Variants in CPED1 observed in about 807,000 individuals in gnomAD.
CPED1 encodes cadherin-like and PC-esterase domain-containing protein 1.
Under a neutral mutation model 128.2 loss-of-function variants are expected in CPED1, and 114 were observed. The ratio of observed to expected loss-of-function variants is 0.89; its 90% CI spans 0.76 to 1.04. The LOEUF is 1.04. CPED1 is among the 50% of genes least tolerant of loss of function. The probability of loss-of-function intolerance (pLI) is 0.00; values close to 1 mark genes in which losing one functional copy is unlikely to be tolerated. For missense variants in CPED1, 1,211 were observed against 1,207.1 expected (o/e 1.00, Z -0.05); for synonymous variants, 462 against 426.7 (o/e 1.08, Z -1.02).
chr7:121,020,250 C>A (rs1792405305), intron 3 of CPED1, among the ~76,000 whole-genome samples: 1 of 151,896 alleles, frequency 6.6e-6, no homozygotes, highest in African/African-American at 2.4e-5. Flanking sequence ...TTTGAAGAAA[C>A]ACAGAAAGTA....
chr7:121,149,761 T>C (rs1041813129), intron 16 of CPED1: 4 of 152,018 alleles, frequency 2.6e-5, no homozygotes. Context: ...ACCTGAGAGG[T>C]TTTTTTCCTA....
chr7:121,185,405 T>C (rs1796980515), intron 16 of CPED1, among the ~76,000 whole-genome samples: 1 of 152,188 alleles, frequency 6.6e-6, no homozygotes, highest in Admixed American at 6.5e-5. Context: ...TCAAAGTATC[T>C]ATTTTTACCC....
rs547870692 is a variant in CPED1, at chr7:121,014,275, G to A, written c.250-1390G>A. On this transcript the variant is annotated intron_variant, in intron 2 of 22. Transcript: ENST00000310396. ...CTTAATAAAGATGTAGAATTGGGCCGGGTGCGGTGGCTCACGCCTGTAATC... is the reference window on the plus strand; with the variant it reads ...CTTAATAAAGATGTAGAATTGGGCCAGGTGCGGTGGCTCACGCCTGTAATC... Among the ~76,000 whole-genome samples, 13 of 152,276 alleles carry A rather than the reference G, an allele frequency of 8.5e-5. No homozygotes were observed. In the East Asian group the frequency reaches 1.2e-3, roughly 14 times the overall value.
chr7:121,286,545 C>G (rs1792578993), intron 22 of CPED1, among the ~76,000 whole-genome samples: 1 of 152,142 alleles, frequency 6.6e-6, no homozygotes, highest in Non-Finnish European at 1.5e-5. Flanking sequence ...CTTTCTCCTA[C>G]CCCTGGGAGA....
intron 16 of CPED1, among the ~76,000 whole-genome samples, chr7:121,172,379 CTTG>C (rs1425916965): frequency 2.0e-5 from 3 of 147,242 alleles, no homozygotes; most frequent in Non-Finnish European, 4.5e-5. Flanking sequence ...CTGAAATACT[CTTG>C]TTTTTTTTTT....
chr7:121,138,500 A>C (rs1482176527), intron 14 of CPED1, among the ~76,000 whole-genome samples: 2 of 152,074 alleles, frequency 1.3e-5, no homozygotes, highest in African/African-American at 4.8e-5. Context: ...CTCACACCAG[A>C]GATGGAGACT....
intron 16 of CPED1, among the ~76,000 whole-genome samples, chr7:121,148,719 A>G (rs1796082562): frequency 6.6e-6 from 1 of 152,172 alleles, no homozygotes; most frequent in East Asian, 1.9e-4. Context: ...GCTGCCCCAT[A>G]GATTGTATTC....
Position 120,989,399 on chromosome 7 carries a change from C to T in CPED1, c.-223C>T. ...TCTTTTTTTAAACTCAGGTCATCCA[C>T]TTTTGACTGTCATCCATGGAAGAGC... On this transcript the variant is annotated 5_prime_UTR_variant, in exon 2 of 23. Transcript: ENST00000310396. 3 of 555,792 alleles carry T rather than the reference C, an allele frequency of 5.4e-6. No individual in the cohort carries two copies. The highest frequency in any genetic ancestry group is 9.6e-6 in the Non-Finnish European group (3 of 312,784). 34.4% of individuals were successfully genotyped at this position (555,792 alleles called of 1,614,324 possible). A position where few individuals can be genotyped will look rare whatever the true frequency, so the allele number is the denominator to read the frequency against.
chr7:121,012,993 C>T (rs1387823853), intron 2 of CPED1, among the ~76,000 whole-genome samples: 1 of 152,074 alleles, frequency 6.6e-6, no homozygotes, highest in African/African-American at 2.4e-5. Context: ...GTGTGAAATC[C>T]CTTTTGTACT....
chr7:121,216,091 AC>A (rs1797753122), intron 16 of CPED1, among the ~76,000 whole-genome samples: 1 of 152,048 alleles, frequency 6.6e-6, no homozygotes, highest in African/African-American at 2.4e-5. Flanking sequence ...TTAAACTCTT[AC>A]CCTCTACAAC....
intron 3 of CPED1, among the ~76,000 whole-genome samples, chr7:121,018,021 C>A (rs140836477): frequency 6.6e-6 from 1 of 152,082 alleles, no homozygotes; most frequent in African/African-American, 2.4e-5. Flanking sequence ...TATTACTGGA[C>A]AGGTCTCAAG....
At chr7:121,215,822 T>C (rs1584604084) in intron 16 of CPED1, among the ~76,000 whole-genome samples, 1 of 152,216 alleles carries the variant, frequency 6.6e-6, no homozygotes, top group South Asian at 2.1e-4. Context: ...AGTGAGTTTT[T>C]AAAAAGATGT....
At chr7:121,051,081 G>C in intron 4 of CPED1, 1 of 527,536 alleles carries the variant, frequency 1.9e-6, no homozygotes. Flanking sequence ...GGAGAGCAAA[G>C]GGAAAACAGG....
At chr7:121,281,905 T>C (rs1165992417) in intron 22 of CPED1, among the ~76,000 whole-genome samples, 2 of 152,138 alleles carry the variant, frequency 1.3e-5, no homozygotes, top group Non-Finnish European at 2.9e-5. Context: ...TCCTTCACTA[T>C]CTCTTCCTAC....
At chr7:121,065,683 C>T (rs1287723989) in intron 5 of CPED1, among the ~76,000 whole-genome samples, 2 of 152,216 alleles carry the variant, frequency 1.3e-5, no homozygotes, top group South Asian at 2.1e-4. Flanking sequence ...GCAATTCTTA[C>T]ATAAGTTTAT....
chr7:121,258,286 G>A (rs971528269), intron 18 of CPED1, among the ~76,000 whole-genome samples: 5 of 151,990 alleles, frequency 3.3e-5, no homozygotes, highest in African/African-American at 7.2e-5. Flanking sequence ...TCTGTTCCAG[G>A]AGCACATATA....
chr7:121,078,802 C>G (rs1286263164), intron 5 of CPED1, among the ~76,000 whole-genome samples: 1 of 152,088 alleles, frequency 6.6e-6, no homozygotes, highest in African/African-American at 2.4e-5. Context: ...GAGGCTGCTC[C>G]CATGGGCACT....
At chr7:121,138,299 G>A (rs1185748741) in intron 14 of CPED1, among the ~76,000 whole-genome samples, 1 of 151,948 alleles carries the variant, frequency 6.6e-6, no homozygotes, top group Admixed American at 6.6e-5. Context: ...AATAGGTTAA[G>A]CAGCCTGCTA....
intron 16 of CPED1, among the ~76,000 whole-genome samples, chr7:121,203,956 A>G (rs1797462534): frequency 6.6e-6 from 1 of 152,052 alleles, no homozygotes; most frequent in South Asian, 2.1e-4. Context: ...CCACTTCTCC[A>G]CTATAGTGCC....
Sources: allele counts gnomAD v4.1 joint callset (sites outside exome capture counted in the v4.1 genomes callset), GRCh38; gene constraint gnomAD v4.1.1; transcripts MANE v1.5; gene names NCBI Gene and HGNC (gene_info 2026-07-23, HGNC 2026-07-21).